The following COL27A1 variants were observed in gnomAD, a reference collection of about 807,000 sequenced individuals.
COL27A1 encodes the protein collagen type XXVII alpha 1 chain.
COL27A1 carries 106 observed loss-of-function variants against 251.3 expected under a neutral mutation model. The ratio of observed to expected loss-of-function variants is 0.42; its 90% CI spans 0.36 to 0.50. COL27A1 has a LOEUF of 0.50. Ranked by LOEUF, COL27A1 falls within the 20% of genes least tolerant of loss-of-function variation. The pLI, the probability that COL27A1 is intolerant of heterozygous loss-of-function variation, is 0.00. For synonymous variants in COL27A1, 1,000 were observed against 986.3 expected (o/e 1.01, Z -0.26); for missense variants, 2,325 against 2,522.8 (o/e 0.92, Z 1.68).
chr9:114,164,978 T>C (rs1848727923), intron 2 of COL27A1, among the ~76,000 whole-genome samples: 1 of 152,190 alleles, frequency 6.6e-6, no homozygotes, highest in African/African-American at 2.4e-5. Flanking sequence ...CTGTGCTATC[T>C]CAAGATCTGT....
intron 14 of COL27A1, among the ~76,000 whole-genome samples, chr9:114,228,829 T>C (rs10982116): frequency 0.014 from 2,092 of 151,544 alleles, 27 homozygotes; most frequent in Middle Eastern, 0.044. Flanking sequence ...TTTCTCTCTC[T>C]TTTTTTTTCA....
intron 28 of COL27A1, among the ~76,000 whole-genome samples, chr9:114,261,790 T>C (rs1044639831): frequency 6.6e-6 from 1 of 152,226 alleles, no homozygotes; most frequent in Non-Finnish European, 1.5e-5. Context: ...TGACTTGGTC[T>C]CAAATTCTGG....
intron 7 of COL27A1, among the ~76,000 whole-genome samples, chr9:114,200,358 T>C (rs1291208741): frequency 6.6e-6 from 1 of 152,232 alleles, no homozygotes; most frequent in African/African-American, 2.4e-5. Context: ...CTTCTAGCAC[T>C]CTTCTTCATT....
chr9:114,156,077 G>A lies in COL27A1; in HGVS notation c.62+65G>A. Reference sequence around the variant, plus strand: ...GCTGCTCCAATCTCGGGGAGGGCCGGGGTTCCCCGCCATGCGGTCGCTTCC... The same window carrying A: ...GCTGCTCCAATCTCGGGGAGGGCCGAGGTTCCCCGCCATGCGGTCGCTTCC... On this transcript the variant is annotated intron_variant, in intron 1 of 60. Transcript: ENST00000356083. The A allele has an allele frequency of 3.1e-6, 4 of 1,292,018 alleles. No homozygotes were observed. The South Asian group carries it at 1.3e-4, about 41-fold the overall frequency. The allele number at this position is 1,292,018 out of a possible 1,614,324, so 80.0% of individuals were successfully genotyped here. A position where few individuals can be genotyped will look rare whatever the true frequency, so the allele number is the denominator to read the frequency against.
chr9:114,256,446 T>C (rs1564531662), intron 27 of COL27A1, among the ~76,000 whole-genome samples: 1 of 152,164 alleles, frequency 6.6e-6, no homozygotes, highest in Non-Finnish European at 1.5e-5. Flanking sequence ...TGAGCCAAGA[T>C]AGCGCCACTG....
chr9:114,214,081 A>G (rs765371412), intron 12 of COL27A1, among the ~76,000 whole-genome samples: 1 of 152,160 alleles, frequency 6.6e-6, no homozygotes, highest in Non-Finnish European at 1.5e-5. Flanking sequence ...ATGGGACTTC[A>G]CATCGGCTGA....
chr9:114,197,541 G>A (rs760432476), intron 7 of COL27A1, among the ~76,000 whole-genome samples: 16 of 152,226 alleles, frequency 1.1e-4, no homozygotes, highest in Non-Finnish European at 1.9e-4. Context: ...AGCTCATAAA[G>A]CAGCCTCGGG....
In COL27A1 at chr9:114,309,458, G is replaced by T. The variant is rs762579890; in HGVS notation, c.5416G>T (p.Val1806Leu). The T allele has an allele frequency of 2.5e-6, 4 of 1,613,788 alleles. No individual in the cohort carries two copies. The highest frequency in any genetic ancestry group is 3.4e-6 in the Non-Finnish European group (4 of 1,179,916). ...FEAGGQFRPE[V>L]SMDGCKVQDG... ...AGCTGGGGGTCAGTTCCGGCCCGAGGTGTCCATGGATGGCTGCAAGGTAAC... is the reference window on the plus strand; with the variant it reads ...AGCTGGGGGTCAGTTCCGGCCCGAGTTGTCCATGGATGGCTGCAAGGTAAC... Residue 1806 changes from valine to leucine, a missense_variant, in exon 60 of 61, where the codon GTG becomes TTG. Val to Leu is a conservative substitution (Grantham distance 32, BLOSUM62 1). Around this residue, in one of 4 missense-constraint regions of COL27A1, gnomAD observed 327 missense variants for 442.8 expected, o/e 0.74. Transcript: ENST00000356083.
chr9:114,306,723 G>A, intron 58 of COL27A1, 35 bp downstream of exon 58: 3 of 1,604,672 alleles, frequency 1.9e-6, no homozygotes, highest in Non-Finnish European at 2.6e-6. Flanking sequence ...GGGTGCGCCT[G>A]GCGGTGGGGA....
intron 11 of COL27A1, among the ~76,000 whole-genome samples, chr9:114,209,974 C>T (rs917103971): frequency 1.3e-5 from 2 of 152,186 alleles, no homozygotes; most frequent in African/African-American, 4.8e-5. Context: ...CAAAGTGCTG[C>T]GTGAGAGGGT....
At chr9:114,244,853 G>T (rs1215266077) in intron 23 of COL27A1, among the ~76,000 whole-genome samples, 1 of 152,190 alleles carries the variant, frequency 6.6e-6, no homozygotes, top group African/African-American at 2.4e-5. Context: ...CCACAGATCT[G>T]CTGTGGGCCT....
chr9:114,241,083 A>G (rs1222707349), intron 21 of COL27A1, among the ~76,000 whole-genome samples: 1 of 152,228 alleles, frequency 6.6e-6, no homozygotes, highest in African/African-American at 2.4e-5. Flanking sequence ...GTGGCAGAGC[A>G]TCGATTTGCT....
At chr9:114,214,067 C>T (rs950607576) in intron 12 of COL27A1, among the ~76,000 whole-genome samples, 4 of 152,170 alleles carry the variant, frequency 2.6e-5, no homozygotes, top group African/African-American at 7.2e-5. Context: ...TTAATGTGTA[C>T]GTAATGGGAC....
chr9:114,201,541 G>C (rs914954866), intron 7 of COL27A1, among the ~76,000 whole-genome samples: 1 of 152,118 alleles, frequency 6.6e-6, no homozygotes, highest in African/African-American at 2.4e-5. Context: ...GGCCCTTCAG[G>C]GTCCCTTGAT....
intron 8 of COL27A1, 138 bp from the exon 9 acceptor site, chr9:114,205,620 GC>G (rs1829899611): frequency 1.3e-6 from 1 of 783,548 alleles, no homozygotes; most frequent in Admixed American, 2.1e-5. Context: ...GGGCTTGGGG[GC>G]CCTCCCCTTC....
intron 9 of COL27A1, 54 bp from the exon 10 acceptor site, chr9:114,206,198 G>A: frequency 6.3e-7 from 1 of 1,575,782 alleles, no homozygotes; most frequent in African/African-American, 1.3e-5. Flanking sequence ...CCCAGGATTG[G>A]CAGCAGGTAG....
chr9:114,220,715 C>T (rs556838606), intron 13 of COL27A1, among the ~76,000 whole-genome samples: 37 of 152,216 alleles, frequency 2.4e-4, no homozygotes, highest in Admixed American at 2.2e-3. Context: ...AGCCTGAGGC[C>T]GGGCGCAGTG....
intron 3 of COL27A1, among the ~76,000 whole-genome samples, chr9:114,173,041 C>T (rs781210694): frequency 2.6e-5 from 4 of 152,212 alleles, no homozygotes; most frequent in Non-Finnish European, 5.9e-5. Context: ...GAGGCAGAGA[C>T]AGAGTTCTGG....
At chr9:114,215,510 A>C (rs1212574034) in intron 12 of COL27A1, among the ~76,000 whole-genome samples, 1 of 152,054 alleles carries the variant, frequency 6.6e-6, no homozygotes, top group Non-Finnish European at 1.5e-5. Context: ...TCTTGAGTAG[A>C]TTTCCTAGTG....
Sources: allele counts gnomAD v4.1 joint callset (sites outside exome capture counted in the v4.1 genomes callset), GRCh38; gene constraint gnomAD v4.1.1; regional missense constraint gnomAD v4.1.1; transcripts MANE v1.5; gene names NCBI Gene and HGNC (gene_info 2026-07-23, HGNC 2026-07-21).